The following TMEM273 variants were observed in gnomAD, a reference collection of about 807,000 sequenced individuals.
TMEM273 encodes transmembrane protein 273.
TMEM273 carries 19 observed loss-of-function variants against 17.9 expected under a neutral mutation model. The ratio of observed to expected loss-of-function variants is 1.06; its 90% CI spans 0.74 to 1.55. TMEM273 has a LOEUF of 1.55. Ranked by LOEUF, TMEM273 falls within the 40% of genes most tolerant of loss-of-function variation. The pLI is 0.00. For missense variants in TMEM273, 194 were observed against 155.6 expected (o/e 1.25, Z -1.31); for synonymous variants, 66 against 62.0 (o/e 1.07, Z -0.31).
intron 6 of TMEM273, 107 bp from the exon 7 acceptor site, chr10:49,156,016 T>C: frequency 6.3e-7 from 1 of 1,599,754 alleles, no homozygotes; most frequent in Non-Finnish European, 8.5e-7. Context: ...TAAAAGCTCA[T>C]CAGCAAAGCC....
chr10:49,182,926 G>A lies in TMEM273; in HGVS notation c.43+5368C>T, dbSNP rs77144232. On this transcript the variant is annotated intron_variant, in intron 1 of 6. Transcript: ENST00000374153. Reference sequence around the variant, plus strand: ...TCTTCTGGAAGGGAATGGATATCCCGAATCAAATCACCAGGGGCTATCAGG... The same window carrying A: ...TCTTCTGGAAGGGAATGGATATCCCAAATCAAATCACCAGGGGCTATCAGG... 2.2e-3 allele frequency among the ~76,000 whole-genome samples: 337 copies of A among 152,206 alleles called. 1 individual carries two copies. Among genetic ancestry groups the A allele is most frequent in the African/African-American group, 7.8e-3 (322 of 41,510 alleles).
intron 6 of TMEM273, chr10:49,160,271 C>T (rs1845761288): frequency 6.6e-6 from 1 of 152,104 alleles, no homozygotes; most frequent in Non-Finnish European, 1.5e-5. Flanking sequence ...CTAGTGGTCA[C>T]TCCCTTAACC....
At position 49,165,447 on chromosome 10, in the gene TMEM273, G is replaced by A. The variant is rs942736182; in HGVS notation, c.270-164C>T. The A allele has an allele frequency of 1.1e-5, 16 of 1,478,472 alleles. No individual in the cohort carries two copies. The African/African-American group carries it at 2.0e-4, about 18-fold the overall frequency. The allele number at this position is 1,478,472 out of a possible 1,614,324, so 91.6% of individuals were successfully genotyped here. On this transcript the variant is annotated intron_variant, in intron 4 of 6. Coordinates refer to ENST00000374153, the MANE Select transcript of TMEM273 (RefSeq NM_001288740.3). ...CACGTGTGACCTCCCAAGTGACAGG[G>A]GCTGGAGGCCTCATTCTGAAAGTCA...
intron 2 of TMEM273, 46 bp downstream of exon 2, chr10:49,167,860 CCTT>C: frequency 6.2e-7 from 1 of 1,608,696 alleles, no homozygotes; most frequent in Non-Finnish European, 8.5e-7. Context: ...TTGGGAGCTT[CCTT>C]CCTGCCCCTG....
intron 6 of TMEM273, 78 bp from the exon 7 acceptor site, chr10:49,155,987 T>A: frequency 6.2e-7 from 1 of 1,609,952 alleles, no homozygotes; most frequent in South Asian, 1.1e-5. Context: ...TTTATGCAAT[T>A]CACACAATTA....
At chr10:49,187,757 T>C (rs961710041) in intron 1 of TMEM273, among the ~76,000 whole-genome samples, 5 of 152,238 alleles carry the variant, frequency 3.3e-5, no homozygotes, top group Non-Finnish European at 7.3e-5. Context: ...AAGGAATGCA[T>C]TAAAGATAAT....
intron 2 of TMEM273, among the ~76,000 whole-genome samples, chr10:49,167,341 T>C (rs1050743243): frequency 6.6e-6 from 1 of 152,216 alleles, no homozygotes; most frequent in African/African-American, 2.4e-5. Flanking sequence ...CATCCACTCA[T>C]CTATTGGGTG....
intron 2 of TMEM273, 42 bp downstream of exon 2, chr10:49,167,867 G>A: frequency 1.9e-6 from 3 of 1,610,942 alleles, no homozygotes; most frequent in Non-Finnish European, 2.5e-6. Context: ...CTTCCTTCCT[G>A]CCCCTGACCC....
chr10:49,158,535 C>T (rs1280010653), intron 6 of TMEM273, among the ~76,000 whole-genome samples: 2 of 152,146 alleles, frequency 1.3e-5, no homozygotes, highest in Admixed American at 1.3e-4. Flanking sequence ...ATGTCCCCTG[C>T]AAAGGAAGCA....
At chr10:49,183,998 C>G (rs964674351) in intron 1 of TMEM273, among the ~76,000 whole-genome samples, 1 of 149,838 alleles carries the variant, frequency 6.7e-6, no homozygotes, top group Non-Finnish European at 1.5e-5. Context: ...AAAAGTGGCA[C>G]AGAAGATGAA....
intron 6 of TMEM273, among the ~76,000 whole-genome samples, chr10:49,158,215 G>A (rs1269030508): frequency 6.6e-6 from 1 of 151,730 alleles, no homozygotes; most frequent in Non-Finnish European, 1.5e-5. Context: ...TCCATGGAGA[G>A]CCACTTAACA....
At chr10:49,164,523 G>A (rs1176549185) in intron 5 of TMEM273, among the ~76,000 whole-genome samples, 2 of 152,156 alleles carry the variant, frequency 1.3e-5, no homozygotes, top group Admixed American at 6.5e-5. Context: ...GTGACCAGAA[G>A]TTTCAGGACA....
intron 1 of TMEM273, among the ~76,000 whole-genome samples, chr10:49,186,038 A>AGAAGAG (rs1847654254): frequency 1.2e-4 from 14 of 116,084 alleles, no homozygotes; most frequent in Admixed American, 9.1e-4. Context: ...AAGAAGAAAA[A>AGAAGAG]GAAGAAGAAG....
At chr10:49,171,561 C>A (rs1383584814) in intron 1 of TMEM273, among the ~76,000 whole-genome samples, 1 of 152,230 alleles carries the variant, frequency 6.6e-6, no homozygotes, top group Non-Finnish European at 1.5e-5. Flanking sequence ...GTACTCTGTG[C>A]CTCCCTGACA....
In TMEM273 at chr10:49,170,478, C is replaced by A. The variant is rs116827989; in HGVS notation, c.44-2516G>T. 4.4e-3 allele frequency among the ~76,000 whole-genome samples: 670 copies of A among 152,298 alleles called. 3 individuals carry two copies. Among genetic ancestry groups the A allele is most frequent in the African/African-American group, 0.015 (604 of 41,578 alleles). On this transcript the variant is annotated intron_variant, in intron 1 of 6. Transcript: ENST00000374153. ...CCCTTAGGCACCATCCTCTATGTCC[C>A]ATCCTGTGTCCCCTCCAAGCTGTGA...
intron 6 of TMEM273, among the ~76,000 whole-genome samples, chr10:49,156,710 C>G (rs1010659336): frequency 1.3e-5 from 2 of 152,312 alleles, no homozygotes; most frequent in East Asian, 3.9e-4. Flanking sequence ...GAAGGCGGGA[C>G]AGAGTGAAGC....
chr10:49,183,685 C>T (rs1847493120), intron 1 of TMEM273, among the ~76,000 whole-genome samples: 1 of 152,144 alleles, frequency 6.6e-6, no homozygotes, highest in Admixed American at 6.6e-5. Context: ...TCTCTCTGTG[C>T]CTCAGTTTCC....
intron 1 of TMEM273, among the ~76,000 whole-genome samples, chr10:49,169,949 G>C (rs966793589): frequency 1.3e-5 from 2 of 152,232 alleles, no homozygotes; most frequent in Non-Finnish European, 2.9e-5. Context: ...GGAGGGCAGG[G>C]CCTCAGTGGG....
At chr10:49,162,478 G>A (rs1416795328) in intron 5 of TMEM273, among the ~76,000 whole-genome samples, 6 of 152,192 alleles carry the variant, frequency 3.9e-5, no homozygotes, top group Non-Finnish European at 8.8e-5. Context: ...AAGGTCTGGC[G>A]ATTTGCAAAG....
Sources: gnomAD v4.1 joint callset for allele counts (sites outside exome capture counted in the v4.1 genomes callset) on GRCh38, gnomAD v4.1.1 for gene constraint, MANE v1.5 for transcripts, NCBI Gene and HGNC (gene_info 2026-07-23, HGNC 2026-07-21) for gene names.